Variants in CADPS2 observed in about 807,000 individuals in gnomAD.
The protein encoded by CADPS2 is calcium dependent secretion activator 2.
A neutral mutation model predicts 172.5 loss-of-function variants in CADPS2; 93 were observed. That is an observed-to-expected ratio of 0.54 (90% CI 0.46 to 0.64). The LOEUF is 0.64. CADPS2 is among the 30% of genes least tolerant of loss of function. The probability of loss-of-function intolerance (pLI) is 0.00; values close to 1 mark genes in which losing one functional copy is unlikely to be tolerated. For synonymous variants in CADPS2, 546 were observed against 555.2 expected, an observed-to-expected ratio of 0.98 and a Z score of 0.23; for missense variants, 1,420 against 1,565.9, an observed-to-expected ratio of 0.91 and a Z score of 1.57.
At chr7:122,462,669 A>G (rs2054603644) in intron 14 of CADPS2, among the ~76,000 whole-genome samples, 1 of 152,234 alleles carries the variant, frequency 6.6e-6, no homozygotes, top group Admixed American at 6.5e-5. Context: ...AACGATGTGA[A>G]CATGCATCAG....
At chr7:122,334,477 T>G (rs1479335308) in intron 28 of CADPS2, among the ~76,000 whole-genome samples, 1 of 152,230 alleles carries the variant, frequency 6.6e-6, no homozygotes, top group East Asian at 1.9e-4. Flanking sequence ...AAAAATATTG[T>G]TGCTGTGGAA....
At chr7:122,782,988 C>A (rs780960284) in intron 1 of CADPS2, among the ~76,000 whole-genome samples, 1 of 151,972 alleles carries the variant, frequency 6.6e-6, no homozygotes, top group East Asian at 1.9e-4. Context: ...TATAAACTCA[C>A]TAATGACAAA....
chr7:122,710,878 T>C (rs940227168), intron 2 of CADPS2, among the ~76,000 whole-genome samples: 8 of 152,156 alleles, frequency 5.3e-5, no homozygotes, highest in African/African-American at 1.7e-4. Flanking sequence ...AGTGGTCTTA[T>C]CTGATTCATT....
chr7:122,458,181 C>A (rs993628981), intron 14 of CADPS2, among the ~76,000 whole-genome samples: 16 of 152,150 alleles, frequency 1.1e-4, no homozygotes, highest in African/African-American at 3.4e-4. Context: ...GGTGGTATTT[C>A]TGAATTGTCA....
intron 7 of CADPS2, among the ~76,000 whole-genome samples, chr7:122,557,516 T>C (rs2065181471): frequency 6.6e-6 from 1 of 152,134 alleles, no homozygotes; most frequent in Non-Finnish European, 1.5e-5. Context: ...TACTGTATAT[T>C]GGATTTATCC....
intron 14 of CADPS2, among the ~76,000 whole-genome samples, chr7:122,453,878 T>C (rs1372282396): frequency 6.6e-6 from 1 of 152,154 alleles, no homozygotes; most frequent in African/African-American, 2.4e-5. Flanking sequence ...AAGAAAAGAA[T>C]GTTATACAGA....
At chr7:122,432,627 C>T (rs1359483153) in intron 17 of CADPS2, among the ~76,000 whole-genome samples, 1 of 116,658 alleles carries the variant, frequency 8.6e-6, no homozygotes, top group Non-Finnish European at 1.7e-5. Context: ...GGCAACAAGG[C>T]AAGACTCTGT....
At chr7:122,659,124 G>C (rs2080193550) in intron 3 of CADPS2, among the ~76,000 whole-genome samples, 1 of 151,924 alleles carries the variant, frequency 6.6e-6, no homozygotes, top group African/African-American at 2.4e-5. Context: ...AATCTGGAGA[G>C]ATAAAGCAAG....
intron 8 of CADPS2, among the ~76,000 whole-genome samples, chr7:122,524,460 C>T (rs1385374757): frequency 6.6e-6 from 1 of 152,060 alleles, no homozygotes; most frequent in Admixed American, 6.6e-5. Flanking sequence ...CAGTGTTTTC[C>T]ACAGTGTGTG....
At chr7:122,718,956 G>A (rs1253451294) in intron 2 of CADPS2, among the ~76,000 whole-genome samples, 1 of 152,120 alleles carries the variant, frequency 6.6e-6, no homozygotes, top group Non-Finnish European at 1.5e-5. Context: ...ATAATTACTT[G>A]CCACCTACTG....
At chr7:122,643,186 G>A (rs1315017306) in intron 3 of CADPS2, among the ~76,000 whole-genome samples, 1 of 152,000 alleles carries the variant, frequency 6.6e-6, no homozygotes, top group Non-Finnish European at 1.5e-5. Flanking sequence ...TGTTTCATTT[G>A]GAAATGCCAA....
chr7:122,325,148 G>A (rs1200920777), intron 29 of CADPS2, among the ~76,000 whole-genome samples: 1 of 152,056 alleles, frequency 6.6e-6, no homozygotes, highest in East Asian at 1.9e-4. Flanking sequence ...TAAATATGAA[G>A]TAATTGTATT....
intron 1 of CADPS2, among the ~76,000 whole-genome samples, chr7:122,807,803 C>A (rs191492353): frequency 6.6e-6 from 1 of 152,220 alleles, no homozygotes; most frequent in Admixed American, 6.5e-5. Context: ...GTCTGTTTCC[C>A]AAGTTTCCTT....
At chr7:122,796,794 G>A (rs1335803271) in intron 1 of CADPS2, among the ~76,000 whole-genome samples, 10 of 151,390 alleles carry the variant, frequency 6.6e-5, no homozygotes, top group South Asian at 2.1e-4. Flanking sequence ...ATACCATTCC[G>A]GAAAGAGCAA....
chr7:122,821,756 G>A (rs983277087), intron 1 of CADPS2, among the ~76,000 whole-genome samples: 1 of 152,108 alleles, frequency 6.6e-6, no homozygotes, highest in African/African-American at 2.4e-5. Flanking sequence ...TTCAAGAAAA[G>A]TAGAATGGAC....
chr7:122,346,066 T>A (rs1055320872), intron 27 of CADPS2, among the ~76,000 whole-genome samples: 4 of 152,070 alleles, frequency 2.6e-5, no homozygotes, highest in Non-Finnish European at 4.4e-5. Context: ...GGCTGGCTTA[T>A]CAATAATATT....
intron 17 of CADPS2, among the ~76,000 whole-genome samples, chr7:122,417,285 T>C (rs1000045231): frequency 3.3e-5 from 5 of 152,192 alleles, no homozygotes; most frequent in Non-Finnish European, 7.3e-5. Flanking sequence ...CACAGTGCAA[T>C]GTACTGATGT....
chr7:122,621,710 T>C lies in CADPS2; in HGVS notation c.875A>G (p.Lys292Arg), dbSNP rs183005983. The change falls in exon 5 of 30, where the codon AAA (lysine) becomes AGA (arginine). Residue 292 changes from lysine (K) to arginine (R), a missense_variant. Transcript: ENST00000449022. The stretch of plus-strand genomic sequence containing the variant: ...ATCTTTTGCTATAAATTTGGGGAAT[T>C]TTCTTTCCTTGAAAATAATTTTTAA... Reference protein sequence around the residue: ...QLADKMAKERKFPKFIAKDME... With the variant: ...QLADKMAKERRFPKFIAKDME... The C allele has an allele frequency of 9.0e-4, 1,394 of 1,556,980 alleles. 2 individuals are homozygous for C. Among genetic ancestry groups the C allele is most frequent in the Non-Finnish European group, 1.1e-3 (1,290 of 1,145,944 alleles).
intron 2 of CADPS2, among the ~76,000 whole-genome samples, chr7:122,692,414 GCA>G (rs2084499020): frequency 1.3e-5 from 2 of 152,310 alleles, no homozygotes; most frequent in South Asian, 4.1e-4. Context: ...AATTCCTGCA[GCA>G]CAGTTACAAA....
Sources: allele counts gnomAD v4.1 joint callset (sites outside exome capture counted in the v4.1 genomes callset), GRCh38; gene constraint gnomAD v4.1.1; transcripts MANE v1.5; gene names NCBI Gene and HGNC (gene_info 2026-07-23, HGNC 2026-07-21).